HIVEP3: variants seen among roughly 807,000 people sequenced by gnomAD.
HIVEP3 encodes transcription factor HIVEP3.
In HIVEP3, 49 loss-of-function variants were observed where a neutral mutation model predicts 152.8. The ratio of observed to expected loss-of-function variants is 0.32; its 90% CI spans 0.26 to 0.41. The LOEUF (loss-of-function observed/expected upper bound fraction) is 0.41, where lower values mean the gene tolerates loss of function less well. HIVEP3 is among the 10% of genes least tolerant of loss of function. HIVEP3 has a pLI of 1.00. For synonymous variants in HIVEP3, 1,269 were observed against 1,289.0 expected (o/e 0.98, Z 0.33); for missense variants, 2,790 against 3,103.3 (o/e 0.90, Z 2.40).
At chr1:42,014,406 T>TG (rs761145690) in intron 1 of HIVEP3, among the ~76,000 whole-genome samples, 120 of 150,382 alleles carry the variant, frequency 8.0e-4, no homozygotes, top group Non-Finnish European at 1.4e-3. Context: ...AAGCAGGAGG[T>TG]GGGGAAAAGG....
chr1:41,529,748 C>G (rs886844743), intron 5 of HIVEP3, among the ~76,000 whole-genome samples: 1 of 148,676 alleles, frequency 6.7e-6, no homozygotes, highest in African/African-American at 2.5e-5. Flanking sequence ...TCACAACCAT[C>G]CACACACACC....
chr1:41,563,368 T>TA lies in HIVEP3; in HGVS notation c.5207+12175dup, dbSNP rs36117218. Among the ~76,000 whole-genome samples, 258 of 147,230 alleles carry TA rather than the reference T, an allele frequency of 1.8e-3. 2 individuals carry two copies. The South Asian group carries it at 0.02, about 12-fold the overall frequency. On this transcript the variant is annotated intron_variant, in intron 5 of 8. Transcript: ENST00000372583. ...TCAAAAAAAATAAATAGATAAAAAT[T>TA]AAAAAAAAAAATAGTGGGGAGGAAG...
intron 5 of HIVEP3, among the ~76,000 whole-genome samples, chr1:41,565,135 C>A (rs1209303279): frequency 3.9e-5 from 6 of 152,156 alleles, no homozygotes; most frequent in Non-Finnish European, 8.8e-5. Flanking sequence ...AATGATTATA[C>A]ACAGTGAAAA....
At chr1:41,924,437 T>C (rs951371777) in intron 1 of HIVEP3, among the ~76,000 whole-genome samples, 3 of 152,176 alleles carry the variant, frequency 2.0e-5, no homozygotes, top group African/African-American at 7.2e-5. Flanking sequence ...CTATCATTAT[T>C]ATTATTGCCA....
chr1:41,574,220 C>A (rs1166144417), intron 5 of HIVEP3, among the ~76,000 whole-genome samples: 2 of 152,112 alleles, frequency 1.3e-5, no homozygotes, highest in African/African-American at 4.8e-5. Context: ...TTCATCAATC[C>A]TGCCTCTGTG....
At position 41,662,184 on chromosome 1, in the gene HIVEP3, A is replaced by ACTGGGCTGCG. The variant is rs1222684825; in HGVS notation, c.-720-33247_-720-33238dup. The ACTGGGCTGCG allele has an allele frequency of 1.4e-5, 2 of 146,868 alleles. No individual in the cohort carries two copies. Among genetic ancestry groups the ACTGGGCTGCG allele is most frequent in the East Asian group, 2.0e-4 (1 of 5,046 alleles). The allele number at this position is 146,868 out of a possible 1,614,324, so 9.1% of individuals were successfully genotyped here. On this transcript the variant is annotated intron_variant, in intron 2 of 8. Coordinates refer to ENST00000372583, the MANE Select transcript of HIVEP3 (RefSeq NM_024503.5). This position sits in a 1 kb window ranked among gnomAD's most constrained non-coding sequence, Gnocchi z 7.2. ...TCTGGGCTGGGCTGCGCCGCGCTGG[A>ACTGGGCTGCG]CTGGGCTGCGCTGGGCTGCGCGCCC... is the stretch of plus-strand genomic sequence containing the variant.
intron 1 of HIVEP3, among the ~76,000 whole-genome samples, chr1:41,943,628 C>T (rs947930344): frequency 6.6e-6 from 1 of 152,184 alleles, no homozygotes; most frequent in African/African-American, 2.4e-5. Flanking sequence ...GCCAGCTAGA[C>T]CATACTTCTT....
At chr1:41,743,160 A>C (rs1457675822) in intron 1 of HIVEP3, among the ~76,000 whole-genome samples, 1 of 152,134 alleles carries the variant, frequency 6.6e-6, no homozygotes, top group Non-Finnish European at 1.5e-5. Context: ...CACTGACAGC[A>C]TGAGGCAGGA....
intron 2 of HIVEP3, among the ~76,000 whole-genome samples, chr1:41,682,857 C>T (rs571086928): frequency 2.1e-4 from 32 of 152,080 alleles, no homozygotes; most frequent in Admixed American, 1.7e-3. Context: ...CTGGTGCTCA[C>T]GGAGCCGTAC....
intron 1 of HIVEP3, among the ~76,000 whole-genome samples, chr1:41,787,859 G>T (rs1413350787): frequency 2.6e-5 from 4 of 152,118 alleles, no homozygotes; most frequent in Non-Finnish European, 5.9e-5. Flanking sequence ...CAAGGGGGAG[G>T]GAATTTTAGG....
At chr1:41,906,846 T>TC (rs1644720446) in intron 1 of HIVEP3, among the ~76,000 whole-genome samples, 1 of 149,400 alleles carries the variant, frequency 6.7e-6, no homozygotes, top group South Asian at 2.2e-4. Flanking sequence ...TTTTTTTTTT[T>TC]TTCTCTCTCT....
At chr1:41,927,019 T>G (rs1033604140) in intron 1 of HIVEP3, among the ~76,000 whole-genome samples, 1 of 152,226 alleles carries the variant, frequency 6.6e-6, no homozygotes, top group African/African-American at 2.4e-5. Context: ...TGACTCAGCT[T>G]TCTGTCTCAG....
At chr1:41,644,757 C>T (rs1645434162) in intron 2 of HIVEP3, among the ~76,000 whole-genome samples, 1 of 111,354 alleles carries the variant, frequency 9.0e-6, no homozygotes. Flanking sequence ...TTATCATTCT[C>T]ATTTTGCAGA....
At chr1:41,987,202 G>A (rs571100687) in intron 1 of HIVEP3, among the ~76,000 whole-genome samples, 3 of 151,990 alleles carry the variant, frequency 2.0e-5, no homozygotes, top group Non-Finnish European at 2.9e-5. Context: ...AATTAATATC[G>A]CTAAAATGAC....
chr1:41,573,073 T>C (rs1644274097), intron 5 of HIVEP3, among the ~76,000 whole-genome samples: 1 of 152,192 alleles, frequency 6.6e-6, no homozygotes, highest in South Asian at 2.1e-4. Context: ...CTGGCCTGGA[T>C]CTAAGGAACA....
At chr1:41,562,601 T>TTCTCTCTCTCTCTCTCTCTCTCTCTCTC (rs72509109) in intron 5 of HIVEP3, among the ~76,000 whole-genome samples, 20 of 126,172 alleles carry the variant, frequency 1.6e-4, no homozygotes, top group Admixed American at 2.5e-4. Flanking sequence ...CTTCCTTTCT[T>TTCTCTCTCTCTCTCTCTCTCTCTCTCTC]TCTCTCTCTC....
intron 1 of HIVEP3, among the ~76,000 whole-genome samples, chr1:41,806,261 A>G (rs1484332847): frequency 2.0e-5 from 3 of 152,134 alleles, no homozygotes; most frequent in Non-Finnish European, 4.4e-5. Flanking sequence ...TCCTGTTGAC[A>G]GCCTTGGATG....
intron 1 of HIVEP3, among the ~76,000 whole-genome samples, chr1:41,704,877 C>T (rs1646411063): frequency 6.6e-6 from 1 of 152,196 alleles, no homozygotes; most frequent in Non-Finnish European, 1.5e-5. Flanking sequence ...AAGTTCCATG[C>T]ATTCATTCAT....
chr1:41,604,184 T>C (rs1441166196), intron 3 of HIVEP3, among the ~76,000 whole-genome samples: 1 of 152,176 alleles, frequency 6.6e-6, no homozygotes, highest in Non-Finnish European at 1.5e-5. Context: ...CTATATCCTA[T>C]AGAAATGCCT....
Sources: allele counts gnomAD v4.1 joint callset (sites outside exome capture counted in the v4.1 genomes callset), GRCh38; gene constraint gnomAD v4.1.1; non-coding constraint Gnocchi (gnomAD v3.1); transcripts MANE v1.5; gene names NCBI Gene and HGNC (gene_info 2026-07-23, HGNC 2026-07-21).